GPR158: variants seen among roughly 807,000 people sequenced by gnomAD.
GPR158 encodes the protein G protein-coupled receptor 158.
A neutral mutation model predicts 78.2 loss-of-function variants in GPR158; 30 were observed. That is an observed-to-expected ratio of 0.38 (90% CI 0.29 to 0.52). The LOEUF is 0.52. GPR158 is among the 20% of genes least tolerant of loss of function. GPR158 has a pLI of 0.83. For missense variants in GPR158, 1,463 were observed against 1,523.5 expected (o/e 0.96, Z 0.66); for synonymous variants, 581 against 591.1 (o/e 0.98, Z 0.25).
rs566727690 is a variant in GPR158 at position 25,175,569 on chromosome 10, G to C, written c.149G>C (p.Gly50Ala). ...GGGAAGCCGCACGCCCAGCAGCCGGGTCGAGCCTCTGCCTCGGACTCCTCG... is the reference window on the plus strand; with the variant it reads ...GGGAAGCCGCACGCCCAGCAGCCGGCTCGAGCCTCTGCCTCGGACTCCTCG... ...PKGKPHAQQPGRASASDSSAP... is the reference protein window; with the variant it reads ...PKGKPHAQQPARASASDSSAP... Residue 50 changes from glycine (G) to alanine (A), a missense_variant, in exon 1 of 11, where the codon GGT becomes GCT. Gly to Ala is a moderately conservative substitution (Grantham distance 60, BLOSUM62 0). Transcript: ENST00000376351. The surrounding 1 kb of genome is among the most constrained non-coding windows in gnomAD (Gnocchi z 6.4). The C allele has an allele frequency of 4.3e-6, 7 of 1,610,926 alleles. No individual in the cohort carries two copies. Among genetic ancestry groups the C allele is most frequent in the Non-Finnish European group, 5.1e-6 (6 of 1,179,838 alleles).
chr10:25,529,627 T>G (rs1017689759), intron 5 of GPR158, among the ~76,000 whole-genome samples: 5 of 152,168 alleles, frequency 3.3e-5, no homozygotes, highest in Non-Finnish European at 5.9e-5. Flanking sequence ...TAAAGGTTAC[T>G]AATAAAAAAC....
chr10:25,539,674 C>T (rs1836548992), intron 5 of GPR158, among the ~76,000 whole-genome samples: 1 of 151,980 alleles, frequency 6.6e-6, no homozygotes, highest in African/African-American at 2.4e-5. Context: ...ACTATGGAAG[C>T]TATTCAATTT....
chr10:25,477,009 C>G (rs899093870), intron 5 of GPR158, among the ~76,000 whole-genome samples: 3 of 152,116 alleles, frequency 2.0e-5, no homozygotes, highest in African/African-American at 7.2e-5. Context: ...TATGTTCCAA[C>G]CTAACATCAG....
chr10:25,509,124 C>A (rs1376311856), intron 5 of GPR158, among the ~76,000 whole-genome samples: 1 of 152,130 alleles, frequency 6.6e-6, no homozygotes, highest in African/African-American at 2.4e-5. Flanking sequence ...GCATCTCTGG[C>A]AACCACCCAC....
At chr10:25,474,061 C>A (rs1835548035) in intron 5 of GPR158, among the ~76,000 whole-genome samples, 1 of 151,954 alleles carries the variant, frequency 6.6e-6, no homozygotes, top group African/African-American at 2.4e-5. Flanking sequence ...GAGAGACAAC[C>A]AAATAGATGG....
chr10:25,464,140 A>G (rs1835393086), intron 4 of GPR158, among the ~76,000 whole-genome samples: 1 of 152,184 alleles, frequency 6.6e-6, no homozygotes, highest in African/African-American at 2.4e-5. Flanking sequence ...AAGGCAGTGA[A>G]CTCCTAAGAA....
intron 1 of GPR158, among the ~76,000 whole-genome samples, chr10:25,219,181 T>C (rs1402023681): frequency 6.6e-6 from 1 of 152,238 alleles, no homozygotes; most frequent in African/African-American, 2.4e-5. Flanking sequence ...CCTACGTTAC[T>C]CCAAGTGATA....
In GPR158 at chr10:25,580,920, T is replaced by TTA. The variant is rs751039681; in HGVS notation, c.1753+8034_1753+8035insAT. Among the ~76,000 whole-genome samples the TTA allele has an allele frequency of 3.9e-3, 309 of 80,166 alleles. 2 individuals are homozygous for TTA. Among genetic ancestry groups the TTA allele is most frequent in the African/African-American group, 0.026 (298 of 11,250 alleles). 52.6% of individuals were successfully genotyped at this position (80,166 alleles called of 152,430 possible). On this transcript the variant is annotated intron_variant, in intron 7 of 10. Coordinates refer to ENST00000376351, the MANE Select transcript of GPR158 (RefSeq NM_020752.3). ...TTTTTATTTTTTTATTTTATTTTAT[T>TTA]TTATTTTATTTTTTTGAGACGGAGT...
At chr10:25,437,361 G>A (rs867293414) in intron 4 of GPR158, among the ~76,000 whole-genome samples, 35 of 151,640 alleles carry the variant, frequency 2.3e-4, no homozygotes, top group Middle Eastern at 6.8e-3. Context: ...GAGTAGCTAG[G>A]ACTACAGGTG....
At chr10:25,594,512 T>C (rs575771774) in intron 9 of GPR158, 115 bp downstream of exon 9, 1 of 501,966 alleles carries the variant, frequency 2.0e-6, no homozygotes, top group Admixed American at 3.8e-5. Flanking sequence ...AAAAGAGTTT[T>C]AAAGCTCCCT....
chr10:25,538,467 A>G (rs938473400), intron 5 of GPR158, among the ~76,000 whole-genome samples: 8 of 152,268 alleles, frequency 5.3e-5, no homozygotes, highest in African/African-American at 1.7e-4. Context: ...ATGTACATAT[A>G]TATACACACA....
At chr10:25,483,803 T>C (rs1417671214) in intron 5 of GPR158, among the ~76,000 whole-genome samples, 1 of 152,216 alleles carries the variant, frequency 6.6e-6, no homozygotes, top group African/African-American at 2.4e-5. Context: ...TTTTAAAATT[T>C]CTTTTTGATG....
intron 6 of GPR158, among the ~76,000 whole-genome samples, chr10:25,571,280 A>C (rs572449244): frequency 2.0e-5 from 3 of 152,296 alleles, no homozygotes; most frequent in Admixed American, 2.0e-4. Flanking sequence ...ATTGAGAAGT[A>C]TTTTGTTAAT....
chr10:25,379,659 T>TTTTTTTC (rs1554798726), intron 2 of GPR158, among the ~76,000 whole-genome samples: 3 of 150,118 alleles, frequency 2.0e-5, no homozygotes, highest in African/African-American at 7.3e-5. Flanking sequence ...TTTTTTTTTT[T>TTTTTTTC]TTTTTTCTGT....
intron 2 of GPR158, among the ~76,000 whole-genome samples, chr10:25,393,145 A>T (rs988693900): frequency 5.9e-5 from 9 of 152,294 alleles, no homozygotes; most frequent in South Asian, 2.1e-4. Flanking sequence ...CAATTTTTTA[A>T]ACATTCATTT....
At chr10:25,362,924 T>C (rs1485095178) in intron 2 of GPR158, among the ~76,000 whole-genome samples, 1 of 151,916 alleles carries the variant, frequency 6.6e-6, no homozygotes, top group African/African-American at 2.4e-5. Flanking sequence ...TTCTCTTTTG[T>C]TTACTGATTT....
chr10:25,241,154 TTTCTTTC>T (rs1407255126), intron 2 of GPR158, among the ~76,000 whole-genome samples: 1 of 123,326 alleles, frequency 8.1e-6, no homozygotes, highest in African/African-American at 3.9e-5. Flanking sequence ...TCTTTCTTTC[TTTCTTTC>T]TTTCTTTCTT....
In GPR158 at chr10:25,317,731, G is replaced by GTTTGT. The variant is rs1854879005; in HGVS notation, c.1009-78177_1009-78176insGTTTT. Among the ~76,000 whole-genome samples, 45 of 118,646 alleles carry GTTTGT rather than the reference G, an allele frequency of 3.8e-4. 1 individual carries two copies. Among genetic ancestry groups the GTTTGT allele is most frequent in the African/African-American group, 6.3e-4 (18 of 28,526 alleles). The allele number at this position is 118,646 out of a possible 152,430, so 77.8% of individuals were successfully genotyped here. A position where few individuals can be genotyped will look rare whatever the true frequency, so the allele number is the denominator to read the frequency against. On this transcript the variant is annotated intron_variant, in intron 2 of 10. Coordinates refer to ENST00000376351, the MANE Select transcript of GPR158 (RefSeq NM_020752.3). ...TTCGTAAAGTGTTTTTTTTTGTTTT[G>GTTTGT]TTTTGTTTTGTTTTTGAGACAGAGT...
At chr10:25,371,793 A>T (rs10741082) in intron 2 of GPR158, among the ~76,000 whole-genome samples, 128,965 of 129,938 alleles carry the variant, frequency 0.99, 64,028 homozygotes, top group Middle Eastern at 1. Context: ...GACATAGGCA[A>T]GGGCAAAGAC....
Sources: gnomAD v4.1 joint callset for allele counts (sites outside exome capture counted in the v4.1 genomes callset) on GRCh38, gnomAD v4.1.1 for gene constraint, Gnocchi (gnomAD v3.1) non-coding constraint, MANE v1.5 for transcripts, NCBI Gene and HGNC (gene_info 2026-07-23, HGNC 2026-07-21) for gene names.